Variants in TBCK observed in about 807,000 individuals in gnomAD.
TBCK encodes TBC1 domain containing kinase.
In TBCK, 99 loss-of-function variants were observed where a neutral mutation model predicts 113.4. That is an observed-to-expected ratio of 0.87 (90% CI 0.74 to 1.03). The LOEUF is 1.03. Among genes scored for constraint, TBCK ranks in the 50% least tolerant of loss-of-function variants. The probability of loss-of-function intolerance (pLI) is 0.00; values close to 1 mark genes in which losing one functional copy is unlikely to be tolerated. For missense variants in TBCK, 1,045 were observed against 1,061.3 expected (o/e 0.98, Z 0.21); for synonymous variants, 369 against 370.8 (o/e 1.00, Z 0.05).
intron 3 of TBCK, among the ~76,000 whole-genome samples, chr4:106,272,057 C>G (rs73838190): frequency 6.6e-6 from 1 of 151,914 alleles, no homozygotes; most frequent in South Asian, 2.1e-4. Context: ...TCGTAGAAGG[C>G]GAATATAAAT....
intron 9 of TBCK, 55 bp from the exon 10 acceptor site, chr4:106,247,342 A>C: frequency 6.5e-7 from 1 of 1,532,970 alleles, no homozygotes; most frequent in East Asian, 2.3e-5. Flanking sequence ...AATTTCCTAG[A>C]ATAATGGCAT....
At chr4:106,093,763 C>A (rs1740591491) in intron 25 of TBCK, among the ~76,000 whole-genome samples, 2 of 152,208 alleles carry the variant, frequency 1.3e-5, no homozygotes, top group African/African-American at 2.4e-5. Flanking sequence ...ATAACCTGTA[C>A]AACAAATGCC....
intron 20 of TBCK, among the ~76,000 whole-genome samples, chr4:106,206,849 C>T (rs1290044562): frequency 6.6e-6 from 1 of 152,102 alleles, no homozygotes. Context: ...ATGTCAATGG[C>T]TTTACCAGCA....
chr4:106,116,506 C>G (rs1743526457), intron 23 of TBCK, 128 bp from the exon 24 acceptor site: 2 of 813,110 alleles, frequency 2.5e-6, no homozygotes, highest in Non-Finnish European at 3.8e-6. Flanking sequence ...CTAATTTTCA[C>G]AGTCTATTGT....
chr4:106,236,300 A>G, intron 14 of TBCK, 90 bp downstream of exon 14: 1 of 960,328 alleles, frequency 1.0e-6, no homozygotes, highest in Non-Finnish European at 1.4e-6. Context: ...TAATCTTCTT[A>G]TTACTCAAGA....
intron 21 of TBCK, among the ~76,000 whole-genome samples, chr4:106,194,506 G>A (rs181691261): frequency 6.6e-6 from 1 of 151,984 alleles, no homozygotes; most frequent in Admixed American, 6.6e-5. Context: ...ATCATGAAAT[G>A]TCCAATAGGT....
chr4:106,282,842 T>C (rs902335550), intron 3 of TBCK, among the ~76,000 whole-genome samples: 6 of 151,992 alleles, frequency 3.9e-5, no homozygotes, highest in African/African-American at 9.7e-5. Context: ...TGACAAGAAA[T>C]GTAGATGGCC....
intron 23 of TBCK, among the ~76,000 whole-genome samples, chr4:106,160,003 A>G (rs1246383711): frequency 6.6e-6 from 1 of 152,086 alleles, no homozygotes; most frequent in East Asian, 1.9e-4. Flanking sequence ...TGAGAAGGGT[A>G]GCTAAGACCA....
At chr4:106,140,566 C>CTTA (rs1415391740) in intron 23 of TBCK, among the ~76,000 whole-genome samples, 1 of 141,052 alleles carries the variant, frequency 7.1e-6, no homozygotes, top group East Asian at 2.0e-4. Context: ...TTTAAGAGTA[C>CTTA]TTATTATTGT....
Position 106,204,751 on chromosome 4 carries a change from ATTTTTTTTTTTT to A in TBCK, c.1860+7987_1860+7998del, listed in dbSNP as rs34775295. 1.1e-4 allele frequency among the ~76,000 whole-genome samples: 10 copies of A among 87,284 alleles called. No individual in the cohort carries two copies. In the South Asian group the frequency reaches 2.6e-3, roughly 23 times the overall value. 57.3% of individuals were successfully genotyped at this position (87,284 alleles called of 152,430 possible). A position where few individuals can be genotyped will look rare whatever the true frequency, so the allele number is the denominator to read the frequency against. ...TTGAAAGAATGACAGACAAACAATG[ATTTTTTTTTTTT>A]TTTTTTTTTTTTTGAGACGGAGTCT... On this transcript the variant is annotated intron_variant, in intron 20 of 25. Transcript: ENST00000394708.
intron 12 of TBCK, among the ~76,000 whole-genome samples, chr4:106,241,253 ACAAATAAATG>A (rs1760096914): frequency 6.9e-6 from 1 of 144,190 alleles, no homozygotes; most frequent in African/African-American, 2.9e-5. Flanking sequence ...ATAAAATAAG[ACAAATAAATG>A]ACATATTTAT....
intron 5 of TBCK, among the ~76,000 whole-genome samples, chr4:106,252,765 T>C (rs1761574610): frequency 6.6e-6 from 1 of 152,190 alleles, no homozygotes; most frequent in East Asian, 1.9e-4. Context: ...ATGACAGATA[T>C]ATTCTTAGAA....
At chr4:106,109,231 C>T (rs1205743205) in intron 24 of TBCK, among the ~76,000 whole-genome samples, 1 of 152,088 alleles carries the variant, frequency 6.6e-6, no homozygotes, top group African/African-American at 2.4e-5. Flanking sequence ...CAATGCTACT[C>T]CTATCAAACT....
intron 3 of TBCK, among the ~76,000 whole-genome samples, chr4:106,285,347 C>T (rs1039245414): frequency 6.6e-6 from 1 of 151,820 alleles, no homozygotes. Flanking sequence ...TAAGAGAGAA[C>T]GTTTGATTTT....
intron 25 of TBCK, among the ~76,000 whole-genome samples, chr4:106,083,131 TTGGGGAAGGGGCAGCAGCCA>T: frequency 6.6e-6 from 1 of 152,310 alleles, no homozygotes; most frequent in Non-Finnish European, 1.5e-5. Flanking sequence ...TTTGAGCTCC[TTGGGGAAGGGGCAGCAGCCA>T]GCCCTGGGAC....
In TBCK at chr4:106,262,155, G is replaced by T; in HGVS notation, c.324C>A (p.Asn108Lys). The T allele has an allele frequency of 6.5e-7, 1 of 1,548,712 alleles. No homozygotes were observed. The highest frequency in any genetic ancestry group is 8.7e-7 in the Non-Finnish European group (1 of 1,145,070). ...ATGCCCTGTGTACTATACCATGTTT[G>T]TTCATATACTGCAAGCCCTGAAGAA... ...FEVLQGLQYM[N>K]KHGIVHRALS... is the part of the protein sequence containing the mutation. Residue 108 changes from asparagine to lysine, a missense_variant, in exon 4 of 26, where the codon AAC (asparagine) becomes AAA (lysine). By Grantham distance (94) the Asn-to-Lys change is moderately conservative. Coordinates refer to ENST00000394708, the MANE Select transcript of TBCK (RefSeq NM_001163435.3).
intron 23 of TBCK, among the ~76,000 whole-genome samples, chr4:106,117,396 T>A (rs890151399): frequency 1.3e-5 from 2 of 152,168 alleles, no homozygotes; most frequent in African/African-American, 2.4e-5. Flanking sequence ...AATGGTTGAG[T>A]GGAAACTTGA....
At chr4:106,060,411 C>A (rs1347523124) in intron 25 of TBCK, among the ~76,000 whole-genome samples, 1 of 151,696 alleles carries the variant, frequency 6.6e-6, no homozygotes, top group Admixed American at 6.6e-5. Context: ...AAGAATTATG[C>A]CAAATCTACT....
chr4:106,303,435 A>T (rs1767166088), intron 2 of TBCK, among the ~76,000 whole-genome samples: 1 of 152,196 alleles, frequency 6.6e-6, no homozygotes, highest in African/African-American at 2.4e-5. Flanking sequence ...ATATACACAT[A>T]CACAATTTTA....
Sources: gnomAD v4.1 joint callset for allele counts (sites outside exome capture counted in the v4.1 genomes callset) on GRCh38, gnomAD v4.1.1 for gene constraint, MANE v1.5 for transcripts, NCBI Gene and HGNC (gene_info 2026-07-23, HGNC 2026-07-21) for gene names.